The following MAML3 variants were observed in gnomAD, a reference collection of about 807,000 sequenced individuals.
MAML3 encodes the protein mastermind-like protein 3.
MAML3 carries 27 observed loss-of-function variants against 101.9 expected under a neutral mutation model. The ratio of observed to expected loss-of-function variants is 0.27; its 90% CI spans 0.20 to 0.37. The LOEUF (loss-of-function observed/expected upper bound fraction) is 0.37. MAML3 is among the 10% of genes least tolerant of loss of function. MAML3 has a pLI of 1.00. For missense variants in MAML3, 1,316 were observed against 1,444.9 expected (o/e 0.91, Z 1.45); for synonymous variants, 501 against 555.9 (o/e 0.90, Z 1.39).
At chr4:140,020,882 C>T (rs1726722813) in intron 1 of MAML3, among the ~76,000 whole-genome samples, 1 of 152,146 alleles carries the variant, frequency 6.6e-6, no homozygotes, top group South Asian at 2.1e-4. Flanking sequence ...TTGGCCCGTT[C>T]TCATAAATTT....
At chr4:139,872,762 A>G (rs1013755287) in intron 2 of MAML3, among the ~76,000 whole-genome samples, 3 of 107,468 alleles carry the variant, frequency 2.8e-5, no homozygotes, top group Non-Finnish European at 5.7e-5. Flanking sequence ...TATCAATAAC[A>G]AGGTTGGGTT....
intron 2 of MAML3, among the ~76,000 whole-genome samples, chr4:139,864,674 C>CAAAAAAAAAAA (rs70943450): frequency 7.2e-5 from 5 of 69,502 alleles, no homozygotes; most frequent in Non-Finnish European, 1.2e-4. Context: ...GGCTCCGTCT[C>CAAAAAAAAAAA]AAAAAAAAAA....
At chr4:139,782,375 C>T (rs1005820997) in intron 2 of MAML3, among the ~76,000 whole-genome samples, 3 of 152,060 alleles carry the variant, frequency 2.0e-5, no homozygotes, top group East Asian at 1.9e-4. Context: ...CTATGTTGCC[C>T]GGGCTGGTCT....
intron 2 of MAML3, among the ~76,000 whole-genome samples, chr4:139,885,866 G>A (rs1266548423): frequency 7.5e-6 from 1 of 133,526 alleles, no homozygotes; most frequent in Non-Finnish European, 1.6e-5. Context: ...CCGGGAGGTG[G>A]AGTTTGCAGT....
intron 3 of MAML3, among the ~76,000 whole-genome samples, chr4:139,726,586 G>A (rs936314709): frequency 6.6e-6 from 1 of 150,932 alleles, no homozygotes; most frequent in African/African-American, 2.4e-5. Context: ...CTAAGTGGAT[G>A]CTTTGGGCAT....
chr4:139,835,865 CG>C (rs1560808956), intron 2 of MAML3, among the ~76,000 whole-genome samples: 1 of 152,076 alleles, frequency 6.6e-6, no homozygotes, highest in African/African-American at 2.4e-5. Context: ...TCAATTTAAA[CG>C]CAAAGATGAT....
At chr4:140,053,164 G>A (rs947684753) in intron 1 of MAML3, among the ~76,000 whole-genome samples, 1 of 152,036 alleles carries the variant, frequency 6.6e-6, no homozygotes, top group African/African-American at 2.4e-5. Context: ...AGCAGCCACC[G>A]ACAACTGGTG....
chr4:139,929,520 G>A lies in MAML3; in HGVS notation c.469-38553C>T, dbSNP rs563284804. 2.1e-4 allele frequency among the ~76,000 whole-genome samples: 32 copies of A among 152,234 alleles called. No individual in the cohort carries two copies. The South Asian group carries it at 4.1e-3, about 20-fold the overall frequency. On this transcript the variant is annotated intron_variant, in intron 1 of 4. Coordinates refer to ENST00000509479, the MANE Select transcript of MAML3 (RefSeq NM_018717.5). ...CTGAAGTTAGAATGGAACCATCACCGCTACTCTATTAATGTTGTATCACTA... is the reference window on the plus strand; with the variant it reads ...CTGAAGTTAGAATGGAACCATCACCACTACTCTATTAATGTTGTATCACTA...
intron 1 of MAML3, among the ~76,000 whole-genome samples, chr4:140,012,677 T>C (rs766049132): frequency 4.3e-4 from 65 of 152,226 alleles, no homozygotes; most frequent in Non-Finnish European, 8.4e-4. Flanking sequence ...TGTACCTTTT[T>C]ACCCAGCCAG....
chr4:139,946,447 A>C (rs188817984), intron 1 of MAML3, among the ~76,000 whole-genome samples: 13 of 152,248 alleles, frequency 8.5e-5, no homozygotes, highest in Admixed American at 8.5e-4. Context: ...TCAGTGCAAT[A>C]ATTTTTTTTT....
chr4:139,967,398 C>A (rs994803007), intron 1 of MAML3, among the ~76,000 whole-genome samples: 2 of 151,858 alleles, frequency 1.3e-5, no homozygotes, highest in Non-Finnish European at 2.9e-5. Context: ...TACCCTATTT[C>A]CCTGTGGCCT....
chr4:140,036,818 C>A (rs1726993324), intron 1 of MAML3, among the ~76,000 whole-genome samples: 2 of 152,146 alleles, frequency 1.3e-5, no homozygotes, highest in African/African-American at 4.8e-5. Flanking sequence ...AAAAGTTTGT[C>A]TCCTAGAGCC....
chr4:139,851,181 C>T (rs1731540473), intron 2 of MAML3, among the ~76,000 whole-genome samples: 1 of 152,136 alleles, frequency 6.6e-6, no homozygotes, highest in African/African-American at 2.4e-5. Context: ...TAGAACTGAC[C>T]AGAACTAGGA....
At chr4:139,796,317 T>C (rs533705378) in intron 2 of MAML3, among the ~76,000 whole-genome samples, 1 of 152,364 alleles carries the variant, frequency 6.6e-6, no homozygotes, top group South Asian at 2.1e-4. Context: ...CAAGGGTGTG[T>C]GGGGCCAATT....
chr4:139,922,630 T>C (rs1452567143), intron 1 of MAML3, among the ~76,000 whole-genome samples: 1 of 152,216 alleles, frequency 6.6e-6, no homozygotes, highest in Non-Finnish European at 1.5e-5. Context: ...TGAAAAGATA[T>C]GGAGCCTAGG....
chr4:139,874,842 C>G (rs1418873850), intron 2 of MAML3, among the ~76,000 whole-genome samples: 1 of 135,618 alleles, frequency 7.4e-6, no homozygotes, highest in Non-Finnish European at 1.5e-5. Context: ...CTTGCCCTGT[C>G]GCCCAGGCTG....
At chr4:139,838,034 C>T (rs1219255905) in intron 2 of MAML3, among the ~76,000 whole-genome samples, 1 of 151,964 alleles carries the variant, frequency 6.6e-6, no homozygotes, top group East Asian at 1.9e-4. Context: ...AAGGCTTGAG[C>T]ATAAGCTGGC....
chr4:139,860,903 A>G (rs1239033381), intron 2 of MAML3, among the ~76,000 whole-genome samples: 10 of 151,972 alleles, frequency 6.6e-5, no homozygotes. Context: ...TTCATTTTCT[A>G]AATTTCTCAG....
chr4:139,790,240 T>TATATATATATAA (rs1553956817), intron 2 of MAML3, among the ~76,000 whole-genome samples: 1 of 144,664 alleles, frequency 6.9e-6, no homozygotes, highest in African/African-American at 2.5e-5. Flanking sequence ...TATATATATA[T>TATATATATATAA]ATAAATAAAT....
Sources: allele counts gnomAD v4.1 joint callset (sites outside exome capture counted in the v4.1 genomes callset), GRCh38; gene constraint gnomAD v4.1.1; transcripts MANE v1.5; gene names NCBI Gene and HGNC (gene_info 2026-07-23, HGNC 2026-07-21).